Variants in DIS3L2 observed in about 807,000 individuals in gnomAD.
DIS3L2 encodes DIS3 like 3'-5' exoribonuclease 2, also known as DIS3-like exonuclease 2.
A neutral mutation model predicts 97.5 loss-of-function variants in DIS3L2; 34 were observed. That is an observed-to-expected ratio of 0.35 (90% confidence interval 0.27 to 0.46). The LOEUF is 0.46. Among genes scored for constraint, DIS3L2 ranks in the 20% least tolerant of loss-of-function variants. The probability of loss-of-function intolerance (pLI) is 1.00; values close to 1 mark genes in which losing one functional copy is unlikely to be tolerated. For synonymous variants in DIS3L2, 435 were observed against 445.2 expected (o/e 0.98, Z 0.29); for missense variants, 1,038 against 1,146.0 (o/e 0.91, Z 1.36).
At chr2:232,148,155 T>A (rs1326044344) in intron 8 of DIS3L2, among the ~76,000 whole-genome samples, 2 of 150,644 alleles carry the variant, frequency 1.3e-5, no homozygotes, top group Non-Finnish European at 3.0e-5. Context: ...GTTCAAGCGA[T>A]TCTCCTGCCT....
intron 13 of DIS3L2, among the ~76,000 whole-genome samples, chr2:232,275,000 G>A (rs1401190047): frequency 1.3e-5 from 2 of 152,080 alleles, no homozygotes; most frequent in South Asian, 4.1e-4. Flanking sequence ...AGCCTTTGGG[G>A]GCCTCTGTCA....
intron 9 of DIS3L2, among the ~76,000 whole-genome samples, chr2:232,188,139 C>A (rs1274857869): frequency 6.7e-6 from 1 of 150,028 alleles, no homozygotes; most frequent in Non-Finnish European, 1.5e-5. Flanking sequence ...GACTCTGTCT[C>A]AAAAAAAAGT....
At chr2:232,158,707 A>G (rs1690569490) in intron 8 of DIS3L2, among the ~76,000 whole-genome samples, 1 of 152,242 alleles carries the variant, frequency 6.6e-6, no homozygotes, top group African/African-American at 2.4e-5. Flanking sequence ...TGTGCTTACA[A>G]ACAAGAACCC....
chr2:232,090,422 A>G lies in DIS3L2; in HGVS notation c.601+2701A>G, dbSNP rs568927487. 3.3e-5 allele frequency among the ~76,000 whole-genome samples: 5 copies of G among 152,318 alleles called. No homozygotes were observed. In the East Asian group the frequency reaches 9.6e-4, roughly 29 times the overall value. On this transcript the variant is annotated intron_variant, in intron 6 of 20. Coordinates refer to ENST00000325385, the MANE Select transcript of DIS3L2 (RefSeq NM_152383.5). ...CTGGTACAGATTTCTCTTTCCTGCT[A>G]GCCTCTAAATGGAGAGTTTGTGAAA...
downstream of DIS3L2, chr2:232,339,868 C>T (rs1234758170): frequency 2.7e-6 from 1 of 373,130 alleles, no homozygotes; most frequent in Non-Finnish European, 5.5e-6. Context: ...CCAGGAGGTC[C>T]CGGGAGGACC....
chr2:232,209,450 G>A (rs1463783024), intron 9 of DIS3L2, among the ~76,000 whole-genome samples: 3 of 152,204 alleles, frequency 2.0e-5, no homozygotes, highest in East Asian at 3.8e-4. Context: ...TGATGAATGA[G>A]GAAAAGACAG....
At chr2:232,342,252 C>T (rs1388740207) in intron 13 of DIS3L2, among the ~76,000 whole-genome samples, 2 of 122,626 alleles carry the variant, frequency 1.6e-5, no homozygotes, top group African/African-American at 3.8e-5. Flanking sequence ...CATATATACA[C>T]ATACACACAT....
rs555277807 is a variant in DIS3L2, at chr2:232,300,635, C to T, written c.1739+516C>T. ...GCATACTTTCATAGCACCTCCTTTCCACATCATAGACTGCTCCTTTTTTTT... is the reference window on the plus strand; with the variant it reads ...GCATACTTTCATAGCACCTCCTTTCTACATCATAGACTGCTCCTTTTTTTT... On this transcript the variant is annotated intron_variant, in intron 14 of 20. Transcript: ENST00000325385. Among the ~76,000 whole-genome samples, 3 of 150,704 alleles carry T rather than the reference C, an allele frequency of 2.0e-5. No individual in the cohort carries two copies. In the South Asian group the frequency reaches 6.3e-4, roughly 32 times the overall value.
chr2:232,199,134 C>T (rs1459864707), intron 9 of DIS3L2, among the ~76,000 whole-genome samples: 2 of 152,196 alleles, frequency 1.3e-5, no homozygotes, highest in Non-Finnish European at 2.9e-5. Context: ...ATATCTTCTT[C>T]ACATTGATGT....
intron 8 of DIS3L2, among the ~76,000 whole-genome samples, chr2:232,162,562 G>A (rs565337062): frequency 4.2e-4 from 64 of 152,352 alleles, no homozygotes; most frequent in African/African-American, 1.5e-3. Flanking sequence ...CTGAGAGAAT[G>A]TCCTGATGCC....
At chr2:231,989,679 A>G (rs538978292) in intron 1 of DIS3L2, among the ~76,000 whole-genome samples, 1 of 152,018 alleles carries the variant, frequency 6.6e-6, no homozygotes, top group Non-Finnish European at 1.5e-5. Context: ...ACAAAAAAGT[A>G]GAAAAAATTA....
intron 1 of DIS3L2, among the ~76,000 whole-genome samples, chr2:232,002,740 A>G (rs11693473): frequency 2.6e-5 from 4 of 152,090 alleles, no homozygotes; most frequent in Admixed American, 2.0e-4. Flanking sequence ...TCTTTTACCT[A>G]GTTATCACCT....
intron 13 of DIS3L2, among the ~76,000 whole-genome samples, chr2:232,294,646 C>T (rs1050418424): frequency 6.6e-6 from 1 of 152,136 alleles, no homozygotes; most frequent in Non-Finnish European, 1.5e-5. Flanking sequence ...GGCCTCAGCC[C>T]CTTCAACTCC....
At chr2:232,148,012 CTCTCCTCTCCTCTCT>C (rs1171978559) in intron 8 of DIS3L2, among the ~76,000 whole-genome samples, 23 of 124,044 alleles carry the variant, frequency 1.9e-4, no homozygotes, top group African/African-American at 6.3e-4. Context: ...CTCTCCTCTC[CTCTCCTCTCCTCTCT>C]TCTCCTGTCC....
chr2:232,191,667 G>T (rs1691621478), intron 9 of DIS3L2, among the ~76,000 whole-genome samples: 1 of 152,162 alleles, frequency 6.6e-6, no homozygotes, highest in South Asian at 2.1e-4. Flanking sequence ...ATGTAAAGTT[G>T]CCATGTAGTC....
intron 5 of DIS3L2, among the ~76,000 whole-genome samples, chr2:232,083,609 C>T (rs1450722582): frequency 6.6e-6 from 1 of 151,940 alleles, no homozygotes; most frequent in African/African-American, 2.4e-5. Context: ...ATTCTCTTGC[C>T]TCAGCCTCCT....
At chr2:232,301,590 T>G (rs973473110) in intron 14 of DIS3L2, among the ~76,000 whole-genome samples, 2 of 152,128 alleles carry the variant, frequency 1.3e-5, no homozygotes. Context: ...TGTTTGTAAT[T>G]TATCTTTAGG....
chr2:232,067,914 G>A (rs1327137420), intron 5 of DIS3L2, among the ~76,000 whole-genome samples: 1 of 152,044 alleles, frequency 6.6e-6, no homozygotes, highest in Non-Finnish European at 1.5e-5. Flanking sequence ...ATATTAATAT[G>A]GGAATGTTTT....
At chr2:232,079,626 GT>G (rs1696326755) in intron 5 of DIS3L2, among the ~76,000 whole-genome samples, 21 of 103,274 alleles carry the variant, frequency 2.0e-4, no homozygotes, top group African/African-American at 7.6e-4. Context: ...AAAAAAAAAA[GT>G]AAAGAAAAGA....
Sources: allele counts gnomAD v4.1 joint callset (sites outside exome capture counted in the v4.1 genomes callset), GRCh38; gene constraint gnomAD v4.1.1; transcripts MANE v1.5; gene names NCBI Gene and HGNC (gene_info 2026-07-23, HGNC 2026-07-21).